ABLIM1: variants seen among roughly 807,000 people sequenced by gnomAD.
The protein encoded by ABLIM1 is actin binding LIM protein 1.
In ABLIM1, 40 loss-of-function variants were observed where a neutral mutation model predicts 107.0. That is an observed-to-expected ratio of 0.37 (90% CI 0.29 to 0.49). The LOEUF (loss-of-function observed/expected upper bound fraction) is 0.49, where lower values mean the gene tolerates loss of function less well. ABLIM1 is among the 20% of genes least tolerant of loss of function. The pLI is 0.97. For missense variants in ABLIM1, 857 were observed against 1,008.5 expected, an observed-to-expected ratio of 0.85 and a Z score of 2.04; for synonymous variants, 357 against 357.3, an observed-to-expected ratio of 1.00 and a Z score of 0.01.
At chr10:114,709,273 A>G (rs185331336) in intron 1 of ABLIM1, among the ~76,000 whole-genome samples, 1 of 152,322 alleles carries the variant, frequency 6.6e-6, no homozygotes, top group East Asian at 1.9e-4. Context: ...TTAGCACCCA[A>G]CACTGGAGTT....
At chr10:114,553,222 T>C (rs1591147839) in intron 4 of ABLIM1, among the ~76,000 whole-genome samples, 1 of 152,164 alleles carries the variant, frequency 6.6e-6, no homozygotes. Context: ...CTAGCTAAAC[T>C]CCCAGCCACC....
chr10:114,763,737 A>C (rs910035122), intron 1 of ABLIM1, among the ~76,000 whole-genome samples: 1 of 152,222 alleles, frequency 6.6e-6, no homozygotes, highest in African/African-American at 2.4e-5. Context: ...GAAAGCTTGC[A>C]GGATGATCCA....
chr10:114,590,380 T>C (rs2074722213), intron 2 of ABLIM1, among the ~76,000 whole-genome samples: 1 of 152,196 alleles, frequency 6.6e-6, no homozygotes, highest in African/African-American at 2.4e-5. Flanking sequence ...GTCAGGAATG[T>C]GAACCATTAA....
chr10:114,631,583 T>A (rs1168856876), intron 1 of ABLIM1, among the ~76,000 whole-genome samples: 1 of 151,762 alleles, frequency 6.6e-6, no homozygotes. Flanking sequence ...AGGAAGAGAA[T>A]GATGGCTGGG....
chr10:114,644,306 A>AAAAAAATAT (rs1408072252), intron 1 of ABLIM1, among the ~76,000 whole-genome samples: 61 of 52,222 alleles, frequency 1.2e-3, no homozygotes, highest in Non-Finnish European at 1.5e-3. Context: ...AAAAAAAAAA[A>AAAAAAATAT]ATATATATAT....
chr10:114,477,923 C>T (rs371191457), intron 8 of ABLIM1, among the ~76,000 whole-genome samples: 1 of 152,246 alleles, frequency 6.6e-6, no homozygotes. Flanking sequence ...GGGGTTTCAC[C>T]CCATTGGCCA....
At chr10:114,458,558 C>G (rs187932103) in intron 12 of ABLIM1, among the ~76,000 whole-genome samples, 4 of 152,220 alleles carry the variant, frequency 2.6e-5, no homozygotes, top group Admixed American at 1.3e-4. Flanking sequence ...CTTGAGGGAA[C>G]CTTAAGATAA....
intron 1 of ABLIM1, among the ~76,000 whole-genome samples, chr10:114,696,406 T>C (rs796665688): frequency 9.2e-5 from 14 of 152,328 alleles, no homozygotes; most frequent in African/African-American, 3.4e-4. Context: ...ATTGCACAGA[T>C]GTGTCTGGTC....
At chr10:114,624,770 A>C (rs1188901934) in intron 1 of ABLIM1, among the ~76,000 whole-genome samples, 3 of 151,620 alleles carry the variant, frequency 2.0e-5, no homozygotes, top group Admixed American at 1.3e-4. Flanking sequence ...AGATTTGTTA[A>C]GATTTTTTTT....
At chr10:114,443,802 A>T (rs762611132) in intron 17 of ABLIM1, among the ~76,000 whole-genome samples, 4 of 151,704 alleles carry the variant, frequency 2.6e-5, no homozygotes, top group Non-Finnish European at 5.9e-5. Flanking sequence ...GCCTTCATGG[A>T]TTTTGAGAAC....
chr10:114,465,452 G>T, intron 12 of ABLIM1: 1 of 353,858 alleles, frequency 2.8e-6, no homozygotes. Flanking sequence ...AAAACCCCTT[G>T]CTTCCAGTAG....
At chr10:114,780,707 GC>G in the ABLIM1 span, among the ~76,000 whole-genome samples, 1 of 152,070 alleles carries the variant, frequency 6.6e-6, no homozygotes, top group African/African-American at 2.4e-5. Context: ...CAAACCAACG[GC>G]CTCCTATCAA....
intron 1 of ABLIM1, among the ~76,000 whole-genome samples, chr10:114,653,854 C>T (rs1201970127): frequency 6.6e-6 from 1 of 152,176 alleles, no homozygotes; most frequent in East Asian, 1.9e-4. Flanking sequence ...TAACTCATTG[C>T]TGTTGTTAAG....
chr10:114,748,331 A>G (rs1004228868), intron 1 of ABLIM1, among the ~76,000 whole-genome samples: 6 of 152,194 alleles, frequency 3.9e-5, no homozygotes, highest in Admixed American at 3.3e-4. Flanking sequence ...GCGGTTGGCC[A>G]GCTTATAATC....
intron 1 of ABLIM1, among the ~76,000 whole-genome samples, chr10:114,700,274 T>C (rs1177260639): frequency 2.0e-5 from 3 of 152,200 alleles, no homozygotes; most frequent in Admixed American, 2.0e-4. Flanking sequence ...AAATAATCAC[T>C]GAGGTAAATT....
intron 8 of ABLIM1, among the ~76,000 whole-genome samples, chr10:114,476,140 T>C (rs557026730): frequency 6.6e-6 from 1 of 152,272 alleles, no homozygotes; most frequent in East Asian, 1.9e-4. Flanking sequence ...CTGGTATCTT[T>C]GAGATGCTAG....
At chr10:114,548,017 T>C (rs1261544262) in intron 4 of ABLIM1, among the ~76,000 whole-genome samples, 2 of 152,210 alleles carry the variant, frequency 1.3e-5, no homozygotes, top group African/African-American at 2.4e-5. Flanking sequence ...GGGACGGATG[T>C]CCTTCACCCA....
At chr10:114,583,494 T>C (rs34642518) in intron 2 of ABLIM1, among the ~76,000 whole-genome samples, 4 of 82,516 alleles carry the variant, frequency 4.8e-5, no homozygotes, top group South Asian at 4.3e-4. Flanking sequence ...TATATATATA[T>C]ATATATATAT....
chr10:114,739,151 A>G (rs808332), intron 1 of ABLIM1, among the ~76,000 whole-genome samples: 107,434 of 152,112 alleles, frequency 0.71, 38,060 homozygotes, highest in Non-Finnish European at 0.73. Flanking sequence ...TACAGGTTTG[A>G]ACACACAGAA....
Sources: gnomAD v4.1 joint callset for allele counts (sites outside exome capture counted in the v4.1 genomes callset) on GRCh38, gnomAD v4.1.1 for gene constraint, MANE v1.5 for transcripts, NCBI Gene and HGNC (gene_info 2026-07-23, HGNC 2026-07-21) for gene names.